Variants in HCN1 observed in about 807,000 individuals in gnomAD.
The protein encoded by HCN1 is hyperpolarization activated cyclic nucleotide gated potassium channel 1.
Under a neutral mutation model 78.9 loss-of-function variants are expected in HCN1, and 13 were observed. The ratio of observed to expected loss-of-function variants is 0.16; its 90% CI spans 0.11 to 0.26. The LOEUF (loss-of-function observed/expected upper bound fraction) is 0.26. HCN1 is among the 10% of genes least tolerant of loss of function. The pLI, the probability that HCN1 is intolerant of heterozygous loss-of-function variation, is 1.00. For missense variants in HCN1, 810 were observed against 1,154.3 expected (o/e 0.70, Z 4.32); for synonymous variants, 552 against 455.5 (o/e 1.21, Z -2.70).
intron 2 of HCN1, among the ~76,000 whole-genome samples, chr5:45,540,521 G>T (rs944135024): frequency 1.1e-4 from 16 of 151,854 alleles, no homozygotes; most frequent in Admixed American, 3.9e-4. Context: ...GTAGAGACAG[G>T]GTTTTGCCGT....
chr5:45,371,905 T>C (rs1321258490), intron 4 of HCN1, among the ~76,000 whole-genome samples: 1 of 101,328 alleles, frequency 9.9e-6, no homozygotes, highest in Non-Finnish European at 1.8e-5. Flanking sequence ...TACATTATAT[T>C]ATAAAAAATA....
intron 4 of HCN1, among the ~76,000 whole-genome samples, chr5:45,360,310 T>C (rs1483678355): frequency 1.3e-5 from 2 of 151,852 alleles, no homozygotes; most frequent in African/African-American, 4.8e-5. Context: ...ATATTTAAAA[T>C]TGTTTGCTCT....
intron 2 of HCN1, among the ~76,000 whole-genome samples, chr5:45,517,612 T>C (rs1742538713): frequency 6.8e-6 from 1 of 146,330 alleles, no homozygotes; most frequent in South Asian, 2.2e-4. Context: ...TCCTTATAAA[T>C]AGAAATGTCC....
At chr5:45,311,518 G>A (rs1178200539) in intron 5 of HCN1, among the ~76,000 whole-genome samples, 1 of 151,926 alleles carries the variant, frequency 6.6e-6, no homozygotes, top group East Asian at 1.9e-4. Context: ...AGAAATATTT[G>A]GCATAAACAC....
At chr5:45,449,793 C>A (rs971174994) in intron 3 of HCN1, among the ~76,000 whole-genome samples, 2 of 152,074 alleles carry the variant, frequency 1.3e-5, no homozygotes, top group Non-Finnish European at 2.9e-5. Flanking sequence ...ATCATTCTGC[C>A]ATACCTATGC....
chr5:45,407,730 G>A (rs1369511071), intron 3 of HCN1, among the ~76,000 whole-genome samples: 1 of 151,942 alleles, frequency 6.6e-6, no homozygotes, highest in Non-Finnish European at 1.5e-5. Flanking sequence ...CACTGGTCTC[G>A]AACTCCTGAC....
chr5:45,279,697 C>T (rs529460261), intron 6 of HCN1, among the ~76,000 whole-genome samples: 1 of 152,130 alleles, frequency 6.6e-6, no homozygotes, highest in South Asian at 2.1e-4. Flanking sequence ...TCACTGGTAC[C>T]TCATACATTT....
intron 3 of HCN1, among the ~76,000 whole-genome samples, chr5:45,447,057 T>C (rs1009392837): frequency 2.6e-5 from 4 of 151,858 alleles, no homozygotes; most frequent in Admixed American, 6.6e-5. Context: ...TAAATGTAAA[T>C]GGACTTAACG....
chr5:45,649,038 C>A (rs910820492), intron 1 of HCN1, among the ~76,000 whole-genome samples: 1 of 151,988 alleles, frequency 6.6e-6, no homozygotes, highest in African/African-American at 2.4e-5. Flanking sequence ...GGACAAGCAT[C>A]CCATATCTCA....
intron 1 of HCN1, among the ~76,000 whole-genome samples, chr5:45,668,184 A>C (rs1444658794): frequency 6.6e-6 from 1 of 151,930 alleles, no homozygotes; most frequent in Non-Finnish European, 1.5e-5. Flanking sequence ...AATAATCTGT[A>C]TTTATTATCA....
intron 2 of HCN1, among the ~76,000 whole-genome samples, chr5:45,544,231 A>C (rs1743162355): frequency 6.6e-6 from 1 of 152,104 alleles, no homozygotes; most frequent in Admixed American, 6.6e-5. Flanking sequence ...CAGATTATTA[A>C]ATATAAAGTA....
At position 45,334,366 on chromosome 5, in the gene HCN1, T is replaced by C. The variant is rs978861528; in HGVS notation, c.1377+18734A>G. Among the ~76,000 whole-genome samples, 24 of 151,950 alleles carry C rather than the reference T, an allele frequency of 1.6e-4. No individual in the cohort carries two copies. The South Asian group carries it at 4.8e-3, about 30-fold the overall frequency. On this transcript the variant is annotated intron_variant, in intron 5 of 7. Coordinates refer to ENST00000303230, the MANE Select transcript of HCN1 (RefSeq NM_021072.4). ...ATTCCACATGTGCTTCCAAATTTAGTGCAAACTCTTTCCACTGAGGACTTT... is the reference window on the plus strand; with the variant it reads ...ATTCCACATGTGCTTCCAAATTTAGCGCAAACTCTTTCCACTGAGGACTTT...
chr5:45,346,180 C>A (rs779070639), intron 5 of HCN1, among the ~76,000 whole-genome samples: 31 of 152,132 alleles, frequency 2.0e-4, no homozygotes, highest in African/African-American at 7.0e-4. Context: ...TTACCTCCCA[C>A]GGGGTCCCTC....
chr5:45,414,638 C>A (rs1430313546), intron 3 of HCN1, among the ~76,000 whole-genome samples: 2 of 152,028 alleles, frequency 1.3e-5, no homozygotes, highest in South Asian at 2.1e-4. Flanking sequence ...CTACTGTTAC[C>A]ATTTAAATAC....
At position 45,695,586 on chromosome 5, in the gene HCN1, G is replaced by A. The variant is rs1448030491; in HGVS notation, c.425+83C>T. 18 of 1,224,972 alleles carry A rather than the reference G, an allele frequency of 1.5e-5. No individual in the cohort carries two copies. In the East Asian group the frequency reaches 1.7e-4, roughly 12 times the overall value. 75.9% of individuals were successfully genotyped at this position (1,224,972 alleles called of 1,614,324 possible). A position where few individuals can be genotyped will look rare whatever the true frequency, so the allele number is the denominator to read the frequency against. The stretch of plus-strand genomic sequence containing the variant: ...CCCCCCGCCCGCCCTCCTAGTCCCC[G>A]GGACGCCCCCCACCCAAGGGCGGGG... On this transcript the variant is annotated intron_variant, in intron 1 of 7. Transcript: ENST00000303230.
At chr5:45,311,620 G>C (rs1323677858) in intron 5 of HCN1, among the ~76,000 whole-genome samples, 3 of 152,194 alleles carry the variant, frequency 2.0e-5, no homozygotes. Context: ...TGGCATAAGT[G>C]TTATGATCCA....
chr5:45,666,094 T>G (rs945540342), intron 1 of HCN1, among the ~76,000 whole-genome samples: 1 of 152,062 alleles, frequency 6.6e-6, no homozygotes, highest in Admixed American at 6.6e-5. Context: ...TGAGCCACAG[T>G]CATTGTACTC....
At chr5:45,376,435 G>A (rs1181298322) in intron 4 of HCN1, among the ~76,000 whole-genome samples, 2 of 147,792 alleles carry the variant, frequency 1.4e-5, no homozygotes, top group African/African-American at 5.0e-5. Flanking sequence ...GGCCTTTAAC[G>A]ACCAGGAAGT....
rs545017592 is a variant in HCN1, at chr5:45,268,306, A to G, written c.1619-1053T>C. On this transcript the variant is annotated intron_variant, in intron 6 of 7. Coordinates refer to ENST00000303230, the MANE Select transcript of HCN1 (RefSeq NM_021072.4). The stretch of plus-strand genomic sequence containing the variant: ...TATAGCTATTAAGAGATAATTTTCC[A>G]TTTTGTTTTCCAAAAATTATGATTT... Among the ~76,000 whole-genome samples, 117 of 152,302 alleles carry G rather than the reference A, an allele frequency of 7.7e-4. 1 individual carries two copies. The highest frequency in any genetic ancestry group is 2.8e-3 in the African/African-American group (116 of 41,570).
Sources: allele counts gnomAD v4.1 joint callset (sites outside exome capture counted in the v4.1 genomes callset), GRCh38; gene constraint gnomAD v4.1.1; transcripts MANE v1.5; gene names NCBI Gene and HGNC (gene_info 2026-07-23, HGNC 2026-07-21).